The following ATP2B2 variants were observed in gnomAD, a reference collection of about 807,000 sequenced individuals.
The protein encoded by ATP2B2 is ATPase plasma membrane Ca2+ transporting 2.
ATP2B2 carries 15 observed loss-of-function variants against 120.0 expected under a neutral mutation model. The ratio of observed to expected loss-of-function variants is 0.12; its 90% CI spans 0.08 to 0.19. The LOEUF (loss-of-function observed/expected upper bound fraction) is 0.19. Among genes scored for constraint, ATP2B2 ranks in the 10% least tolerant of loss-of-function variants. ATP2B2 has a pLI of 1.00. For synonymous variants in ATP2B2, 694 were observed against 700.3 expected (o/e 0.99, Z 0.14); for missense variants, 1,045 against 1,719.8 (o/e 0.61, Z 6.94).
chr3:10,344,720 C>G (rs527456502), intron 18 of ATP2B2, among the ~76,000 whole-genome samples: 1 of 152,320 alleles, frequency 6.6e-6, no homozygotes, highest in African/African-American at 2.4e-5. Flanking sequence ...GCCTCAGTTT[C>G]TGCCTCTGTA....
At chr3:10,626,375 C>T (rs2125631794) in intron 1 of ATP2B2, 1 of 152,388 alleles carries the variant, frequency 6.6e-6, no homozygotes, top group South Asian at 2.1e-4. Flanking sequence ...AATGTGGGCT[C>T]ATAGATCTGC....
chr3:10,546,116 G>T (rs1449894300), intron 2 of ATP2B2, among the ~76,000 whole-genome samples: 2 of 152,228 alleles, frequency 1.3e-5, no homozygotes, highest in Non-Finnish European at 2.9e-5. Context: ...AAGAAACCAT[G>T]TTAGTACGCA....
intron 5 of ATP2B2, among the ~76,000 whole-genome samples, chr3:10,398,393 C>T (rs1444048549): frequency 2.0e-5 from 3 of 152,244 alleles, no homozygotes; most frequent in African/African-American, 7.2e-5. Flanking sequence ...AGACCAAGGC[C>T]GCTGGTTCAG....
chr3:10,388,173 A>G, intron 6 of ATP2B2, 104 bp downstream of exon 6: 1 of 1,556,134 alleles, frequency 6.4e-7, no homozygotes, highest in Non-Finnish European at 8.8e-7. Flanking sequence ...CAGGGTGCGG[A>G]CGTAGAAGGC....
At chr3:10,678,844 A>G (rs756478428) in intron 1 of ATP2B2, among the ~76,000 whole-genome samples, 1 of 152,144 alleles carries the variant, frequency 6.6e-6, no homozygotes, top group Non-Finnish European at 1.5e-5. Flanking sequence ...GGGTGTGGAG[A>G]GGGTCTATGA....
chr3:10,572,037 G>C (rs1286759736), intron 2 of ATP2B2, among the ~76,000 whole-genome samples: 1 of 152,210 alleles, frequency 6.6e-6, no homozygotes, highest in Non-Finnish European at 1.5e-5. Context: ...GGTGTGCCAA[G>C]TTGGAATCTA....
chr3:10,379,153 C>T (rs1174001919), intron 9 of ATP2B2, 90 bp downstream of exon 9: 8 of 1,460,872 alleles, frequency 5.5e-6, no homozygotes, highest in South Asian at 2.4e-5. Flanking sequence ...TGCCTCTGGC[C>T]CTTGCCAGTC....
At chr3:10,505,727 G>C (rs1465457414), upstream of ATP2B2, 5 of 143,160 alleles carry the variant, frequency 3.5e-5, no homozygotes, top group South Asian at 2.4e-4. Flanking sequence ...ATGGGGGCGG[G>C]AGGAGGGAGG....
At chr3:10,458,089 G>T (rs577568273) in intron 1 of ATP2B2, among the ~76,000 whole-genome samples, 1 of 151,850 alleles carries the variant, frequency 6.6e-6, no homozygotes, top group Admixed American at 6.6e-5. Context: ...CTATCCATCC[G>T]TTCGTCCATC....
intron 5 of ATP2B2, among the ~76,000 whole-genome samples, chr3:10,400,085 TA>T (rs2062167759): frequency 6.6e-6 from 1 of 152,174 alleles, no homozygotes; most frequent in South Asian, 2.1e-4. Context: ...TGCTGGACAA[TA>T]AGGCCTTTTG....
chr3:10,467,801 C>A (rs1326053410), intron 1 of ATP2B2, among the ~76,000 whole-genome samples: 1 of 152,142 alleles, frequency 6.6e-6, no homozygotes, highest in Admixed American at 6.5e-5. Context: ...GCGGCAGTCA[C>A]AGAGATGAGC....
intron 1 of ATP2B2, among the ~76,000 whole-genome samples, chr3:10,693,102 CTG>C (rs1559524722): frequency 6.6e-6 from 1 of 152,222 alleles, no homozygotes; most frequent in African/African-American, 2.4e-5. Context: ...GCCTGACACA[CTG>C]TATCGCAAAA....
chr3:10,691,207 C>T (rs773675472), intron 1 of ATP2B2, among the ~76,000 whole-genome samples: 18 of 152,194 alleles, frequency 1.2e-4, no homozygotes, highest in Non-Finnish European at 2.4e-4. Context: ...CCTCAGGGGT[C>T]TTGTCTGCAA....
chr3:10,622,841 G>A (rs2069588130), intron 1 of ATP2B2, among the ~76,000 whole-genome samples: 1 of 152,178 alleles, frequency 6.6e-6, no homozygotes, highest in South Asian at 2.1e-4. Context: ...AATTTCACAG[G>A]TCGGTCAGCA....
intron 1 of ATP2B2, among the ~76,000 whole-genome samples, chr3:10,628,169 A>G (rs1175314044): frequency 1.3e-5 from 2 of 152,248 alleles, no homozygotes; most frequent in African/African-American, 4.8e-5. Flanking sequence ...CCGACAACCC[A>G]GGGCCTCAGG....
intron 2 of ATP2B2, among the ~76,000 whole-genome samples, chr3:10,415,343 G>C (rs912136208): frequency 8.5e-5 from 13 of 152,158 alleles, no homozygotes; most frequent in Non-Finnish European, 1.6e-4. Context: ...AGACGTTCTG[G>C]AGAGGAAGAC....
intron 2 of ATP2B2, among the ~76,000 whole-genome samples, chr3:10,600,625 G>T (rs553874762): frequency 1.3e-5 from 2 of 152,220 alleles, no homozygotes; most frequent in African/African-American, 4.8e-5. Context: ...AACTCCAGAC[G>T]GGGCTGGTGC....
At chr3:10,379,812 A>G (rs59511914) in intron 8 of ATP2B2, among the ~76,000 whole-genome samples, 3,923 of 152,140 alleles carry the variant, frequency 0.026, 173 homozygotes, top group African/African-American at 0.088. Flanking sequence ...GAGTGTTTCT[A>G]GAATGGAGAG....
intron 1 of ATP2B2, among the ~76,000 whole-genome samples, chr3:10,672,667 C>A (rs920858032): frequency 6.6e-6 from 1 of 152,188 alleles, no homozygotes; most frequent in African/African-American, 2.4e-5. Context: ...AGTAATCCAA[C>A]CAGGGTGTGC....
Sources: gnomAD v4.1 joint callset for allele counts (sites outside exome capture counted in the v4.1 genomes callset) on GRCh38, gnomAD v4.1.1 for gene constraint, MANE v1.5 for transcripts, NCBI Gene and HGNC (gene_info 2026-07-23, HGNC 2026-07-21) for gene names.